SLC38A10: variants seen among roughly 807,000 people sequenced by gnomAD.
SLC38A10 encodes Sodium-coupled neutral amino acid transporter 10.
In SLC38A10, 53 loss-of-function variants were observed where a neutral mutation model predicts 81.0. The observed-to-expected ratio is 0.65, with a 90% CI of 0.53 to 0.82. SLC38A10 has a LOEUF of 0.82. Among genes scored for constraint, SLC38A10 ranks in the 40% least tolerant of loss-of-function variants. The probability of loss-of-function intolerance (pLI) is 0.00; values close to 1 mark genes in which losing one functional copy is unlikely to be tolerated. For synonymous variants in SLC38A10, 665 were observed against 655.3 expected (o/e 1.01, Z -0.23); for missense variants, 1,471 against 1,545.0 (o/e 0.95, Z 0.80).
Position 81,289,702 on chromosome 17 carries a change from T to C in SLC38A10, c.206A>G (p.Tyr69Cys). 6.2e-7 allele frequency: 1 copy of C among 1,609,184 alleles called. No individual in the cohort carries two copies. The highest frequency in any genetic ancestry group is 8.5e-7 in the Non-Finnish European group (1 of 1,179,128). ...AGAGGGCGCCTCACCCAGGCCGGCGTAGGTCCTCCGCTTGCTCAGGCTGGC... is the reference window on the plus strand; with the variant it reads ...AGAGGGCGCCTCACCCAGGCCGGCGCAGGTCCTCCGCTTGCTCAGGCTGGC... ...KSASLSKRRTYAGLAFHAYGK... is the reference protein window; with the variant it reads ...KSASLSKRRTCAGLAFHAYGK... Residue 69 changes from tyrosine to cysteine, a missense_variant, in exon 2 of 16, where the codon TAC becomes TGC. Transcript: ENST00000374759. The surrounding 1 kb of genome is among the most constrained non-coding windows in gnomAD (Gnocchi z 5.9).
chr17:81,267,292 C>G lies in SLC38A10; in HGVS notation c.1131+3626G>C, dbSNP rs532675313. On this transcript the variant is annotated intron_variant, in intron 10 of 15. Coordinates refer to ENST00000374759, the MANE Select transcript of SLC38A10 (RefSeq NM_001037984.3). ...TTGTTTCTTACACCAAAATAAAATA[C>G]AGGTAGATCAAAGATTTAAATTAAA... is the stretch of plus-strand genomic sequence containing the variant. 8.5e-5 allele frequency among the ~76,000 whole-genome samples: 13 copies of G among 152,120 alleles called. No homozygotes were observed. In the South Asian group the frequency reaches 1.7e-3, roughly 19 times the overall value.
At chr17:81,293,745 T>C (rs560802558) in intron 1 of SLC38A10, among the ~76,000 whole-genome samples, 4 of 152,362 alleles carry the variant, frequency 2.6e-5, no homozygotes, top group African/African-American at 9.6e-5. Context: ...ACACAGTGTT[T>C]GCTAAGCTAA....
chr17:81,246,568 G>A lies in SLC38A10; in HGVS notation c.2348C>T (p.Pro783Leu), dbSNP rs1172894287. Reference protein sequence around the residue: ...VENLPPLPLDPVLRAPGGRPA... With the variant: ...VENLPPLPLDLVLRAPGGRPA... ...GCGGCCCCCAGGAGCTCTGAGGACAGGGTCCAAAGGCAGGGGAGGCAGATT... is the reference window on the plus strand; with the variant it reads ...GCGGCCCCCAGGAGCTCTGAGGACAAGGTCCAAAGGCAGGGGAGGCAGATT... The change falls in exon 16 of 16, where the codon CCT (proline) becomes CTT (leucine). Residue 783 changes from proline (P) to leucine (L), a missense_variant. Physicochemically the swap from Pro to Leu is moderately conservative, Grantham distance 98. Transcript: ENST00000374759. 1.3e-6 allele frequency: 2 copies of A among 1,516,548 alleles called. No homozygotes were observed. Among genetic ancestry groups the A allele is most frequent in the East Asian group, 2.3e-5 (1 of 43,608 alleles). 93.9% of individuals were successfully genotyped at this position (1,516,548 alleles called of 1,614,324 possible). A position where few individuals can be genotyped will look rare whatever the true frequency, so the allele number is the denominator to read the frequency against.
chr17:81,285,932 C>G (rs1301012960), intron 2 of SLC38A10, among the ~76,000 whole-genome samples: 2 of 152,218 alleles, frequency 1.3e-5, no homozygotes, highest in African/African-American at 4.8e-5. Flanking sequence ...GACCCCACCT[C>G]CAGGGCTCAC....
Position 81,253,126 on chromosome 17 carries a change from C to T in SLC38A10, c.1403G>A (p.Arg468Gln), listed in dbSNP as rs139081444. ...QIKGPVDVPG[R>Q]EDGKEAPEEA... ...CTCCGGTGCCTCCTTGCCATCTTCC[C>T]GTCCAGGCACATCCACGGGCCCCTT... is the stretch of plus-strand genomic sequence containing the variant. The change falls in exon 12 of 16, where the codon CGG becomes CAG. Residue 468 changes from arginine to glutamine, a missense_variant. Arg to Gln is a conservative substitution (Grantham distance 43, BLOSUM62 1). Transcript: ENST00000374759. This position sits in a 1 kb window ranked among gnomAD's most constrained non-coding sequence, Gnocchi z 4.1. 1.1e-4 allele frequency: 173 copies of T among 1,613,908 alleles called. No individual in the cohort carries two copies. In the African/African-American group the frequency reaches 1.8e-3, roughly 17 times the overall value.
chr17:81,270,808 T>C lies in SLC38A10; in HGVS notation c.1131+110A>G. 3.4e-6 allele frequency: 3 copies of C among 873,084 alleles called. No individual in the cohort carries two copies. The highest frequency in any genetic ancestry group is 2.6e-5 in the East Asian group (1 of 39,018). 54.1% of individuals were successfully genotyped at this position (873,084 alleles called of 1,614,324 possible). A position where few individuals can be genotyped will look rare whatever the true frequency, so the allele number is the denominator to read the frequency against. On this transcript the variant is annotated intron_variant, in intron 10 of 15. Coordinates refer to ENST00000374759, the MANE Select transcript of SLC38A10 (RefSeq NM_001037984.3). This position sits in a 1 kb window ranked among gnomAD's most constrained non-coding sequence, Gnocchi z 4.0. ...GTCCCTTTTGTGGGTTTTAAGTTTCTTGATAGAACCCATCTGAAAACGCTG... is the reference window on the plus strand; with the variant it reads ...GTCCCTTTTGTGGGTTTTAAGTTTCCTGATAGAACCCATCTGAAAACGCTG...
rs1371543259 is a variant in SLC38A10 at position 81,249,512 on chromosome 17, GGGAAGAGGAGGGAGGAA to G, written c.2065+1964_2065+1980del. 7.4e-4 allele frequency among the ~76,000 whole-genome samples: 88 copies of G among 118,490 alleles called. 5 individuals carry two copies. The highest frequency in any genetic ancestry group is 2.7e-3 in the African/African-American group (81 of 30,420). 77.7% of individuals were successfully genotyped at this position (118,490 alleles called of 152,430 possible). A position where few individuals can be genotyped will look rare whatever the true frequency, so the allele number is the denominator to read the frequency against. The stretch of plus-strand genomic sequence containing the variant: ...GAAGAGGAGGGAGAAGGAGGGAGGA[GGGAAGAGGAGGGAGGAA>G]GGAAGAGGAAGAGGAGGAAAAAAGA... On this transcript the variant is annotated intron_variant, in intron 14 of 15. Coordinates refer to ENST00000374759, the MANE Select transcript of SLC38A10 (RefSeq NM_001037984.3).
intron 10 of SLC38A10, chr17:81,264,307 C>T (rs1420126084): frequency 6.6e-6 from 1 of 152,350 alleles, no homozygotes; most frequent in Non-Finnish European, 1.5e-5. Context: ...CTAAGAACTT[C>T]CTTTGAGGAC....
chr17:81,258,925 G>C (rs541531804), intron 11 of SLC38A10, among the ~76,000 whole-genome samples: 2 of 152,324 alleles, frequency 1.3e-5, no homozygotes, highest in South Asian at 4.1e-4. Context: ...ACGGAACCCA[G>C]AAGGCAGGGC....
At chr17:81,285,961 T>TGC (rs2063263207) in intron 2 of SLC38A10, among the ~76,000 whole-genome samples, 1 of 152,186 alleles carries the variant, frequency 6.6e-6, no homozygotes, top group South Asian at 2.1e-4. Flanking sequence ...TTCCTGGACC[T>TGC]GCCTATGGGC....
intron 10 of SLC38A10, among the ~76,000 whole-genome samples, chr17:81,260,865 G>A (rs2063016633): frequency 6.6e-6 from 1 of 152,236 alleles, no homozygotes. Flanking sequence ...GAACCTCCAG[G>A]CAGACTTGAG....
At chr17:81,262,962 G>A (rs1313094067) in intron 10 of SLC38A10, 1 of 152,246 alleles carries the variant, frequency 6.6e-6, no homozygotes, top group Non-Finnish European at 1.5e-5. Flanking sequence ...CTCACTCCAT[G>A]CTGGGAGACA....
rs376278846 is a variant in SLC38A10 at position 81,260,293 on chromosome 17, G to A, written c.1233C>T (p.Gly411=). Reference sequence around the variant, plus strand: ...AACCCTCGGCCTCTCCAAGCCGGCCGCCAGGGGCTTCCTCTGCCAAGTCCT... The same window carrying A: ...AACCCTCGGCCTCTCCAAGCCGGCCACCAGGGGCTTCCTCTGCCAAGTCCT... ...VPEDLAEEAP[G]GRLGEAEGLM... The change falls in exon 11 of 16, where the codon GGC becomes GGT. Residue 411 remains glycine, a synonymous_variant. Coordinates refer to ENST00000374759, the MANE Select transcript of SLC38A10 (RefSeq NM_001037984.3). The A allele has an allele frequency of 3.8e-5, 61 of 1,606,808 alleles. No individual in the cohort carries two copies. The highest frequency in any genetic ancestry group is 8.5e-5 in the Admixed American group (5 of 58,942).
chr17:81,272,749 C>T (rs1567939180), intron 8 of SLC38A10, 122 bp from the exon 9 acceptor site: 18 of 584,990 alleles, frequency 3.1e-5, no homozygotes, highest in South Asian at 2.7e-4. Flanking sequence ...AGGCCGGCCG[C>T]GCACTCACCT....
rs1054907018 is a variant in SLC38A10 at position 81,253,876 on chromosome 17, A to C, written c.1289-636T>G. 6.6e-6 allele frequency among the ~76,000 whole-genome samples: 1 copy of C among 151,772 alleles called. No individual in the cohort carries two copies. The highest frequency in any genetic ancestry group is 1.5e-5 in the Non-Finnish European group (1 of 67,930). On this transcript the variant is annotated intron_variant, in intron 11 of 15. Transcript: ENST00000374759. The surrounding 1 kb of genome is among the most constrained non-coding windows in gnomAD (Gnocchi z 4.1). ...CTCCATCCCTACCACCATCACCATC[A>C]TCATCACCATCACCACTACCATCAC...
intron 14 of SLC38A10, chr17:81,250,162 A>G: frequency 7.9e-7 from 1 of 1,262,158 alleles, no homozygotes; most frequent in Non-Finnish European, 1.0e-6. Flanking sequence ...CTTTTTCAGA[A>G]AGAAGAAAAT....
chr17:81,258,655 A>C (rs1294899629), intron 11 of SLC38A10, among the ~76,000 whole-genome samples: 1 of 151,944 alleles, frequency 6.6e-6, no homozygotes, highest in Non-Finnish European at 1.5e-5. Flanking sequence ...AGGCTACCAC[A>C]ATCCCACCGA....
Position 81,270,244 on chromosome 17 carries a change from T to C in SLC38A10, c.1131+674A>G, listed in dbSNP as rs971988304. Reference sequence around the variant, plus strand: ...GATGCTCACACCCCTGACACAGGATTCCATTTCTAGAAGGCTTCCTACAGA... The same window carrying C: ...GATGCTCACACCCCTGACACAGGATCCCATTTCTAGAAGGCTTCCTACAGA... On this transcript the variant is annotated intron_variant, in intron 10 of 15. Transcript: ENST00000374759. This position sits in a 1 kb window ranked among gnomAD's most constrained non-coding sequence, Gnocchi z 4.0. Among the ~76,000 whole-genome samples the C allele has an allele frequency of 2.1e-4, 32 of 152,176 alleles. No individual in the cohort carries two copies. The highest frequency in any genetic ancestry group is 4.6e-4 in the Non-Finnish European group (31 of 68,032).
Position 81,252,678 on chromosome 17 carries a change from C to G in SLC38A10, c.1462G>C (p.Ala488Pro). The G allele has an allele frequency of 1.3e-6, 2 of 1,599,212 alleles. 1 individual carries two copies. The highest frequency in any genetic ancestry group is 2.2e-5 in the South Asian group (2 of 90,126). ...AQLDRPGQGI[A>P]VPVGEAHRHE... is the part of the protein sequence containing the mutation. Reference sequence around the variant, plus strand: ...CGGTGGGCCTCGCCCACAGGCACAGCAATCCCTGCAAGGGCACGGGGGACA... The same window carrying G: ...CGGTGGGCCTCGCCCACAGGCACAGGAATCCCTGCAAGGGCACGGGGGACA... The change falls in exon 13 of 16, where the codon GCT becomes CCT. Residue 488 changes from alanine (A) to proline (P), a missense_variant. Ala to Pro is a conservative substitution (Grantham distance 27). Transcript: ENST00000374759.
Sources: gnomAD v4.1 joint callset for allele counts (sites outside exome capture counted in the v4.1 genomes callset) on GRCh38, gnomAD v4.1.1 for gene constraint, Gnocchi (gnomAD v3.1) non-coding constraint, MANE v1.5 for transcripts, NCBI Gene and HGNC (gene_info 2026-07-23, HGNC 2026-07-21) for gene names.